TTC39A: variants seen among roughly 807,000 people sequenced by gnomAD.
TTC39A encodes the protein tetratricopeptide repeat domain 39A, also known as tetratricopeptide repeat protein 39A.
A neutral mutation model predicts 82.3 loss-of-function variants in TTC39A; 46 were observed. The observed-to-expected ratio is 0.56, with a 90% CI of 0.44 to 0.71. The LOEUF is 0.71. Among genes scored for constraint, TTC39A ranks in the 30% least tolerant of loss-of-function variants. The pLI is 0.00. For missense variants in TTC39A, 543 were observed against 712.9 expected, an observed-to-expected ratio of 0.76 and a Z score of 2.71; for synonymous variants, 254 against 275.2, an observed-to-expected ratio of 0.92 and a Z score of 0.76.
rs779431767 is a variant in TTC39A, at chr1:51,305,995, A to C, written c.570T>G (p.Gly190=). The C allele has an allele frequency of 1.5e-5, 25 of 1,613,816 alleles. No homozygotes were observed. The South Asian group carries it at 2.7e-4, about 18-fold the overall frequency. Residue 190 remains glycine, a synonymous_variant, in exon 7 of 18, where the codon GGT becomes GGG. Coordinates refer to ENST00000680483, the MANE Select transcript of TTC39A (RefSeq NM_001297663.2). ...CACTCACCAGGTTGAAGGCCCCTACACCAAGCTTCACTCCTCCTTCAAAGT... is the reference window on the plus strand; with the variant it reads ...CACTCACCAGGTTGAAGGCCCCTACCCCAAGCTTCACTCCTCCTTCAAAGT... ...HPHFEGGVKL[G]VGAFNLTLSM... is the part of the protein sequence containing the mutation.
intron 2 of TTC39A, among the ~76,000 whole-genome samples, chr1:51,316,400 T>C (rs1377463516): frequency 6.6e-6 from 1 of 152,174 alleles, no homozygotes; most frequent in African/African-American, 2.4e-5. Context: ...TCCTCCAGCC[T>C]GTCCCCTCTT....
At chr1:51,310,040 G>T (rs1645026766) in intron 5 of TTC39A, among the ~76,000 whole-genome samples, 1 of 152,014 alleles carries the variant, frequency 6.6e-6, no homozygotes, top group African/African-American at 2.4e-5. Flanking sequence ...CAAGGTGGGC[G>T]CATCACTTGA....
rs550415541 is a variant in TTC39A, at chr1:51,338,764, G to A, written c.53+6227C>T. Among the ~76,000 whole-genome samples, 104 of 151,856 alleles carry A rather than the reference G, an allele frequency of 6.8e-4. No homozygotes were observed. The South Asian group carries it at 0.017, about 24-fold the overall frequency. Reference sequence around the variant, plus strand: ...ATTACAGGCACGCACCACCAAGCCCGGCTAATTTTTGTATTTTTAGTAGAG... The same window carrying A: ...ATTACAGGCACGCACCACCAAGCCCAGCTAATTTTTGTATTTTTAGTAGAG... On this transcript the variant is annotated intron_variant, in intron 1 of 5. Transcript: ENST00000401051.
intron 1 of TTC39A, among the ~76,000 whole-genome samples, chr1:51,340,971 A>C (rs1646029098): frequency 6.6e-6 from 1 of 152,190 alleles, no homozygotes; most frequent in Non-Finnish European, 1.5e-5. Context: ...CAGGAGTTTG[A>C]GACCAGCCTG....
At chr1:51,307,278 C>T (rs750297771) in intron 6 of TTC39A, among the ~76,000 whole-genome samples, 39 of 152,098 alleles carry the variant, frequency 2.6e-4, no homozygotes, top group African/African-American at 7.2e-4. Context: ...GGGAGGCTGA[C>T]GGGGCCAGAG....
chr1:51,305,351 G>A (rs1421070728), intron 7 of TTC39A, among the ~76,000 whole-genome samples: 1 of 152,146 alleles, frequency 6.6e-6, no homozygotes, highest in Non-Finnish European at 1.5e-5. Flanking sequence ...GCAGGTGCCA[G>A]GAAGCCTAGC....
chr1:51,322,892 C>A (rs566209169), intron 1 of TTC39A, among the ~76,000 whole-genome samples: 1 of 152,206 alleles, frequency 6.6e-6, no homozygotes, highest in Middle Eastern at 3.2e-3. Flanking sequence ...GCTCTAAAGT[C>A]TCCCACTCTG....
intron 6 of TTC39A, among the ~76,000 whole-genome samples, chr1:51,306,812 C>G (rs1644882373): frequency 6.6e-6 from 1 of 151,474 alleles, no homozygotes; most frequent in Non-Finnish European, 1.5e-5. Flanking sequence ...ACCAAAACCA[C>G]CAAGCCATTG....
chr1:51,305,263 T>A, intron 7 of TTC39A, 117 bp from the exon 8 acceptor site: 1 of 987,616 alleles, frequency 1.0e-6, no homozygotes, highest in Non-Finnish European at 1.6e-6. Context: ...GGGCCACCCC[T>A]CTAACTTTGA....
At chr1:51,301,886 G>A (rs35515145) in intron 11 of TTC39A, 153 bp from the exon 12 acceptor site, 39,398 of 1,059,188 alleles carry the variant, frequency 0.037, 882 homozygotes, top group Non-Finnish European at 0.046. Flanking sequence ...CAGGAGCCAG[G>A]AGATCTGGCC....
upstream of TTC39A, among the ~76,000 whole-genome samples, chr1:51,333,766 G>C (rs1645940840): frequency 6.6e-6 from 1 of 152,194 alleles, no homozygotes; most frequent in Non-Finnish European, 1.5e-5. Context: ...GTGACTGTCT[G>C]CTTCTGGAGG....
chr1:51,330,627 C>A, upstream of TTC39A: 1 of 983,412 alleles, frequency 1.0e-6, no homozygotes, highest in Non-Finnish European at 1.2e-6. This position sits in a 1 kb window ranked among gnomAD's most constrained non-coding sequence, Gnocchi z 4.5. Context: ...GGGGCCGGGC[C>A]GAGCCTCGGT....
intron 1 of TTC39A, among the ~76,000 whole-genome samples, chr1:51,338,848 C>A (rs1057025288): frequency 1.3e-5 from 2 of 152,068 alleles, no homozygotes. Context: ...AGTGATCCAC[C>A]CGCCTTGGCC....
intron 1 of TTC39A, among the ~76,000 whole-genome samples, chr1:51,337,324 G>A (rs1012867489): frequency 6.6e-6 from 1 of 151,926 alleles, no homozygotes; most frequent in East Asian, 1.9e-4. Context: ...TATTCCGTCT[G>A]CCTGGAATGC....
chr1:51,309,125 C>T, intron 6 of TTC39A, 136 bp downstream of exon 6: 1 of 1,035,852 alleles, frequency 9.7e-7, no homozygotes, highest in Non-Finnish European at 1.3e-6. Flanking sequence ...GCATGGAAAT[C>T]AGCCTGCAAC....
At chr1:51,311,519 A>T (rs895046901) in intron 4 of TTC39A, among the ~76,000 whole-genome samples, 198 bp from the exon 5 acceptor site, 1 of 152,132 alleles carries the variant, frequency 6.6e-6, no homozygotes, top group Non-Finnish European at 1.5e-5. Context: ...TCCAAGCACC[A>T]CTGTAGGTGC....
rs755998290 is a variant in TTC39A, at chr1:51,301,560, G to A, written c.1053+12C>T. On this transcript the variant is annotated intron_variant, in intron 12 of 17. Coordinates refer to ENST00000680483, the MANE Select transcript of TTC39A (RefSeq NM_001297663.2). ...GGTCACCCAATGCCCCTAACACGTGGCATCAGCCCACCTTGGACCAGCAGT... is the reference window on the plus strand; with the variant it reads ...GGTCACCCAATGCCCCTAACACGTGACATCAGCCCACCTTGGACCAGCAGT... 2.5e-6 allele frequency: 4 copies of A among 1,590,504 alleles called. No individual in the cohort carries two copies. The South Asian group carries it at 4.5e-5, about 18-fold the overall frequency.
chr1:51,305,110 A>G lies in TTC39A; in HGVS notation c.625T>C (p.Leu209=), dbSNP rs79147641. 1,386 of 1,613,498 alleles carry G rather than the reference A, an allele frequency of 8.6e-4. 25 individuals carry two copies. The South Asian group carries it at 0.014, about 17-fold the overall frequency. ...SMLPTRILRL[L]EFVGFSGNKD... ...TTTCCTGAAAACCCCACAAACTCCA[A>G]CAGCCTCAGGATCCTAGTAGGAAGC... is the stretch of plus-strand genomic sequence containing the variant. The change falls in exon 8 of 18, where the codon TTG becomes CTG. Residue 209 remains leucine, a synonymous_variant. Coordinates refer to ENST00000680483, the MANE Select transcript of TTC39A (RefSeq NM_001297663.2).
At chr1:51,310,658 A>G (rs1245752526) in intron 5 of TTC39A, among the ~76,000 whole-genome samples, 1 of 152,198 alleles carries the variant, frequency 6.6e-6, no homozygotes, top group Non-Finnish European at 1.5e-5. Flanking sequence ...GATCGTTCTC[A>G]TCATTCCCAC....
Sources: allele counts gnomAD v4.1 joint callset (sites outside exome capture counted in the v4.1 genomes callset), GRCh38; gene constraint gnomAD v4.1.1; non-coding constraint Gnocchi (gnomAD v3.1); transcripts MANE v1.5; gene names NCBI Gene and HGNC (gene_info 2026-07-23, HGNC 2026-07-21).